The following METTL9 variants were observed in gnomAD, a reference collection of about 807,000 sequenced individuals.
The protein encoded by METTL9 is methyltransferase 9, His-X-His N1(pi)-histidine.
METTL9 carries 10 observed loss-of-function variants against 36.0 expected under a neutral mutation model. The observed-to-expected ratio is 0.28, with a 90% confidence interval of 0.17 to 0.47. The LOEUF (loss-of-function observed/expected upper bound fraction) is 0.47. Ranked by LOEUF, METTL9 falls within the 20% of genes least tolerant of loss-of-function variation. The probability of loss-of-function intolerance (pLI) is 0.99; values close to 1 mark genes in which losing one functional copy is unlikely to be tolerated. For synonymous variants in METTL9, 175 were observed against 149.7 expected (o/e 1.17, Z -1.23); for missense variants, 246 against 383.5 (o/e 0.64, Z 3.00).
chr16:21,601,329 G>A (rs1372201732), intron 1 of METTL9, among the ~76,000 whole-genome samples: 1 of 152,132 alleles, frequency 6.6e-6, no homozygotes, highest in Non-Finnish European at 1.5e-5. Flanking sequence ...TGGAACAATG[G>A]GGTAGACAAT....
At position 21,647,512 on chromosome 16, in the gene METTL9, A is replaced by C. The variant is rs199824045; in HGVS notation, c.752-7715A>C. 251 of 1,596,648 alleles carry C rather than the reference A, an allele frequency of 1.6e-4. No homozygotes were observed. Among genetic ancestry groups the C allele is most frequent in the Non-Finnish European group, 1.8e-4 (212 of 1,167,902 alleles). ...CAGCACCTGTGGGAGGAAGCAGATGAGTGGGTTAATGGGCCTGCCACCTCA... is the reference window on the plus strand; with the variant it reads ...CAGCACCTGTGGGAGGAAGCAGATGCGTGGGTTAATGGGCCTGCCACCTCA... On this transcript the variant is annotated intron_variant, in intron 4 of 4. Transcript: ENST00000358154.
At chr16:21,652,353 C>G in intron 4 of METTL9, 1 of 487,320 alleles carries the variant, frequency 2.1e-6, no homozygotes, top group East Asian at 3.3e-5. Flanking sequence ...GAAACTTTTT[C>G]TCAGCTATTT....
chr16:21,598,519 G>A (rs194551), upstream of METTL9, among the ~76,000 whole-genome samples: 1,354 of 152,128 alleles, frequency 8.9e-3, 48 homozygotes, highest in East Asian at 0.083. Flanking sequence ...ATTATTTCTG[G>A]TGCAGTTAAA....
chr16:21,641,561 T>C (rs1335919354), intron 4 of METTL9: 1 of 1,592,324 alleles, frequency 6.3e-7, no homozygotes, highest in South Asian at 1.1e-5. Context: ...TGGAAAGTAC[T>C]CTTCTGTTTT....
At chr16:21,641,872 G>A (rs1446723876) in intron 4 of METTL9, among the ~76,000 whole-genome samples, 5 of 151,820 alleles carry the variant, frequency 3.3e-5, no homozygotes, top group Admixed American at 6.6e-5. Context: ...CACATACCTC[G>A]GCCTTGTTGT....
chr16:21,627,274 C>T, intron 4 of METTL9: 1 of 985,120 alleles, frequency 1.0e-6, no homozygotes, highest in South Asian at 4.7e-5. Flanking sequence ...TCTGAGTGTG[C>T]TTTGCATACT....
Position 21,655,531 on chromosome 16 carries a change from A to G in METTL9, c.*99A>G, listed in dbSNP as rs1285271976. 1.0e-6 allele frequency: 1 copy of G among 985,334 alleles called. No individual in the cohort carries two copies. The highest frequency in any genetic ancestry group is 1.5e-6 in the Non-Finnish European group (1 of 661,342). The allele number at this position is 985,334 out of a possible 1,614,324, so 61.0% of individuals were successfully genotyped here. On this transcript the variant is annotated 3_prime_UTR_variant, in exon 5 of 5. Transcript: ENST00000358154. ...TTACGTGAAGGGAGGACCCTTGGGG[A>G]CCGCCATTCTAAATATCATGTAGGA...
chr16:21,626,146 C>T (rs1965809353), intron 4 of METTL9, among the ~76,000 whole-genome samples: 1 of 152,172 alleles, frequency 6.6e-6, no homozygotes, highest in East Asian at 1.9e-4. Context: ...TCAGGTGATC[C>T]TCCTGTCTCT....
chr16:21,652,586 T>C, intron 4 of METTL9: 1 of 1,610,386 alleles, frequency 6.2e-7, no homozygotes, highest in Non-Finnish European at 8.5e-7. Context: ...TTGCTTCTGC[T>C]CGCAGTCCCC....
At chr16:21,605,334 G>A (rs1362327806) in intron 1 of METTL9, among the ~76,000 whole-genome samples, 1 of 119,594 alleles carries the variant, frequency 8.4e-6, no homozygotes, top group Non-Finnish European at 1.6e-5. Context: ...AAGTTGGAAT[G>A]CAGTGGCCTG....
At chr16:21,641,410 T>G in intron 4 of METTL9, 1 of 486,582 alleles carries the variant, frequency 2.1e-6, no homozygotes, top group Non-Finnish European at 3.7e-6. Context: ...CATCCTTCTT[T>G]GTAGCCAGTT....
chr16:21,619,251 T>C (rs1274017878), intron 3 of METTL9, among the ~76,000 whole-genome samples: 3 of 152,200 alleles, frequency 2.0e-5, no homozygotes, highest in Non-Finnish European at 4.4e-5. Context: ...GCAATACTTT[T>C]CCATTGCTGC....
chr16:21,600,414 C>T (rs1031001243), intron 1 of METTL9, among the ~76,000 whole-genome samples: 1 of 152,192 alleles, frequency 6.6e-6, no homozygotes. Context: ...TTGAACTCTC[C>T]AGGCTGATTG....
In METTL9 at chr16:21,631,401, G is replaced by C. The variant is rs117842174; in HGVS notation, c.751+6286G>C. ...TATTCTTTGCTATTAATAAGACCTC[G>C]TTTAGTGTATATTAACTTAGAATTG... On this transcript the variant is annotated intron_variant, in intron 4 of 4. Transcript: ENST00000358154. 8.8e-3 allele frequency among the ~76,000 whole-genome samples: 1,344 copies of C among 152,236 alleles called. 45 individuals are homozygous for C. The highest frequency in any genetic ancestry group is 0.083 in the East Asian group (431 of 5,186).
At chr16:21,644,359 C>G in intron 4 of METTL9, 1 of 1,613,982 alleles carries the variant, frequency 6.2e-7, no homozygotes, top group Non-Finnish European at 8.5e-7. Context: ...CAAGAGCTGT[C>G]AGGAAGCTCC....
intron 4 of METTL9, among the ~76,000 whole-genome samples, chr16:21,645,818 G>T (rs1966408666): frequency 6.6e-6 from 1 of 152,250 alleles, no homozygotes; most frequent in South Asian, 2.1e-4. Context: ...TTTGTTATTT[G>T]CTATATGCCA....
intron 4 of METTL9, among the ~76,000 whole-genome samples, chr16:21,628,975 C>T (rs572133276): frequency 2.1e-4 from 32 of 151,086 alleles, no homozygotes; most frequent in African/African-American, 7.3e-4. Flanking sequence ...CTCACTGCAA[C>T]CTCCGCCTCC....
intron 1 of METTL9, among the ~76,000 whole-genome samples, chr16:21,604,535 G>A (rs1205939924): frequency 6.6e-6 from 1 of 152,132 alleles, no homozygotes; most frequent in Non-Finnish European, 1.5e-5. Flanking sequence ...ATGGATATGA[G>A]GGTGCCTGTC....
intron 4 of METTL9, among the ~76,000 whole-genome samples, chr16:21,629,285 T>A (rs767985559): frequency 2.0e-5 from 3 of 151,988 alleles, no homozygotes; most frequent in Non-Finnish European, 4.4e-5. Flanking sequence ...TAGGAGGTGA[T>A]TAGGATTAGA....
Sources: allele counts gnomAD v4.1 joint callset (sites outside exome capture counted in the v4.1 genomes callset), GRCh38; gene constraint gnomAD v4.1.1; transcripts MANE v1.5; gene names NCBI Gene and HGNC (gene_info 2026-07-23, HGNC 2026-07-21).